Variants in TAFA1 observed in about 807,000 individuals in gnomAD.
TAFA1 encodes chemokine-like protein TAFA-1.
Under a neutral mutation model 18.5 loss-of-function variants are expected in TAFA1, and 4 were observed. The ratio of observed to expected loss-of-function variants is 0.22; its 90% CI spans 0.11 to 0.49. The LOEUF (loss-of-function observed/expected upper bound fraction) is 0.49. Ranked by LOEUF, TAFA1 falls within the 20% of genes least tolerant of loss-of-function variation. The pLI is 0.98. For missense variants in TAFA1, 147 were observed against 169.0 expected, an observed-to-expected ratio of 0.87 and a Z score of 0.72; for synonymous variants, 56 against 55.2, an observed-to-expected ratio of 1.01 and a Z score of -0.06.
chr3:68,308,608 T>G (rs2068461488), intron 2 of TAFA1, among the ~76,000 whole-genome samples: 1 of 152,188 alleles, frequency 6.6e-6, no homozygotes, highest in South Asian at 2.1e-4. Context: ...ATAATGCACT[T>G]TATAGTCAAC....
chr3:68,285,065 G>C (rs529301815), intron 2 of TAFA1, among the ~76,000 whole-genome samples: 35 of 152,262 alleles, frequency 2.3e-4, no homozygotes, highest in African/African-American at 4.1e-4. Context: ...TCCAGCCTGG[G>C]TGATAGAGCC....
chr3:68,251,954 C>G (rs1559578549), intron 2 of TAFA1, among the ~76,000 whole-genome samples: 1 of 152,234 alleles, frequency 6.6e-6, no homozygotes. Context: ...TCGGGACTCA[C>G]ACTGGGGTCT....
intron 2 of TAFA1, among the ~76,000 whole-genome samples, chr3:68,154,824 A>G (rs1356041422): frequency 6.6e-6 from 1 of 152,166 alleles, no homozygotes; most frequent in African/African-American, 2.4e-5. Flanking sequence ...GACATTGTTT[A>G]ACTTCTATTT....
chr3:68,044,235 T>C lies in TAFA1; in HGVS notation c.118+37491T>C, dbSNP rs1196145905. Among the ~76,000 whole-genome samples the C allele has an allele frequency of 1.6e-4, 25 of 152,248 alleles. 1 individual carries two copies. The highest frequency in any genetic ancestry group is 1.6e-3 in the Admixed American group (25 of 15,282). ...TCCCTTGCAGGACTTACTGCAATTA[T>C]AGTGTTACATTTATTTTTAATTCTT... On this transcript the variant is annotated intron_variant, in intron 2 of 4. Coordinates refer to ENST00000478136, the MANE Select transcript of TAFA1 (RefSeq NM_213609.4).
intron 2 of TAFA1, among the ~76,000 whole-genome samples, chr3:68,367,061 A>T (rs766334902): frequency 2.6e-5 from 4 of 152,204 alleles, no homozygotes; most frequent in Non-Finnish European, 5.9e-5. Flanking sequence ...ATTTAAGATC[A>T]TTATAAGGTG....
intron 2 of TAFA1, among the ~76,000 whole-genome samples, chr3:68,299,725 G>A (rs1423778588): frequency 1.3e-5 from 2 of 152,208 alleles, no homozygotes; most frequent in Non-Finnish European, 2.9e-5. Context: ...CAAGTCTAGG[G>A]CTTTGCTGCC....
At chr3:68,016,794 C>A (rs1405562759) in intron 2 of TAFA1, among the ~76,000 whole-genome samples, 2 of 152,152 alleles carry the variant, frequency 1.3e-5, no homozygotes, top group African/African-American at 4.8e-5. Context: ...ACCTCTGCAA[C>A]ATATTCTCAT....
At chr3:68,488,535 C>T (rs1559690526) in intron 3 of TAFA1, among the ~76,000 whole-genome samples, 1 of 152,196 alleles carries the variant, frequency 6.6e-6, no homozygotes, top group Admixed American at 6.5e-5. Context: ...ACTTGGGACT[C>T]TTAAGGACCA....
chr3:68,269,794 A>G (rs1449317184), intron 2 of TAFA1, among the ~76,000 whole-genome samples: 7 of 152,208 alleles, frequency 4.6e-5, no homozygotes, highest in Admixed American at 4.6e-4. Context: ...CATTTTTAAA[A>G]AGAGAGAGAA....
chr3:68,521,846 G>GT (rs1009292651), intron 3 of TAFA1, among the ~76,000 whole-genome samples: 1 of 57,222 alleles, frequency 1.7e-5, no homozygotes, highest in African/African-American at 6.8e-5. Flanking sequence ...GTTTTTCTGT[G>GT]TTTTTTTCTG....
intron 2 of TAFA1, among the ~76,000 whole-genome samples, chr3:68,288,534 TTC>T (rs1158550165): frequency 1.3e-5 from 2 of 152,240 alleles, no homozygotes; most frequent in Admixed American, 1.3e-4. Flanking sequence ...TTTGTTTGTA[TTC>T]TTACCTCGCC....
At chr3:68,128,449 G>A (rs995522687) in intron 2 of TAFA1, among the ~76,000 whole-genome samples, 7 of 152,186 alleles carry the variant, frequency 4.6e-5, no homozygotes, top group Non-Finnish European at 8.8e-5. Flanking sequence ...TAACTCACAA[G>A]GGGACTATGA....
chr3:68,315,192 T>C (rs2068586923), intron 2 of TAFA1, among the ~76,000 whole-genome samples: 1 of 152,102 alleles, frequency 6.6e-6, no homozygotes, highest in African/African-American at 2.4e-5. Flanking sequence ...AGCAATTAGA[T>C]TTTATGCTTT....
intron 3 of TAFA1, among the ~76,000 whole-genome samples, chr3:68,530,098 TG>T (rs2073169412): frequency 6.6e-6 from 1 of 152,232 alleles, no homozygotes. Flanking sequence ...GACTATGTCA[TG>T]TTCTTTATTT....
chr3:68,152,245 A>C (rs2065814580), intron 2 of TAFA1, among the ~76,000 whole-genome samples: 2 of 152,124 alleles, frequency 1.3e-5, no homozygotes, highest in Non-Finnish European at 2.9e-5. Context: ...GTTTGTTGAG[A>C]ATGCTGGTTT....
intron 2 of TAFA1, among the ~76,000 whole-genome samples, chr3:68,323,381 G>T (rs1475287559): frequency 6.6e-6 from 1 of 152,174 alleles, no homozygotes; most frequent in East Asian, 1.9e-4. Context: ...GGAAAGAGGA[G>T]CCAACACAAA....
At chr3:68,216,645 A>G (rs542962999) in intron 2 of TAFA1, among the ~76,000 whole-genome samples, 2 of 152,224 alleles carry the variant, frequency 1.3e-5, no homozygotes, top group East Asian at 1.9e-4. Context: ...ACTCAATTGT[A>G]AAGACCAGAG....
intron 2 of TAFA1, among the ~76,000 whole-genome samples, chr3:68,037,120 C>T (rs540085452): frequency 3.2e-4 from 48 of 152,178 alleles, no homozygotes; most frequent in Middle Eastern, 3.4e-3. Flanking sequence ...GGTAGCTGTG[C>T]TAAGTCTTGA....
chr3:68,385,041 T>G (rs1281358817), intron 2 of TAFA1, among the ~76,000 whole-genome samples: 3 of 152,088 alleles, frequency 2.0e-5, no homozygotes, highest in Non-Finnish European at 4.4e-5. Flanking sequence ...TGTCCCTTTA[T>G]TTTGAACCTA....
Sources: allele counts gnomAD v4.1 joint callset (sites outside exome capture counted in the v4.1 genomes callset), GRCh38; gene constraint gnomAD v4.1.1; transcripts MANE v1.5; gene names NCBI Gene and HGNC (gene_info 2026-07-23, HGNC 2026-07-21).